The following HTR1F variants were observed in gnomAD, a reference collection of about 807,000 sequenced individuals.
The protein encoded by HTR1F is 5-hydroxytryptamine (serotonin) receptor 1F, G protein-coupled.
Under a neutral mutation model 24.0 loss-of-function variants are expected in HTR1F, and 17 were observed. That is an observed-to-expected ratio of 0.71 (90% CI 0.48 to 1.06). The LOEUF (loss-of-function observed/expected upper bound fraction) is 1.06. Among genes scored for constraint, HTR1F ranks in the 50% least tolerant of loss-of-function variants. The probability of loss-of-function intolerance (pLI) is 0.00; values close to 1 mark genes in which losing one functional copy is unlikely to be tolerated. For missense variants in HTR1F, 391 were observed against 427.8 expected (o/e 0.91, Z 0.76); for synonymous variants, 186 against 156.8 (o/e 1.19, Z -1.39).
intron 2 of HTR1F, among the ~76,000 whole-genome samples, chr3:87,891,550 C>T (rs1187934978): frequency 6.6e-6 from 1 of 152,104 alleles, no homozygotes; most frequent in Non-Finnish European, 1.5e-5. Context: ...CCTGCAAAAC[C>T]CTTACATTGC....
chr3:87,899,661 G>A (rs529709858), intron 2 of HTR1F, among the ~76,000 whole-genome samples: 3 of 152,102 alleles, frequency 2.0e-5, no homozygotes, highest in African/African-American at 4.8e-5. Flanking sequence ...TGAGGAGTTC[G>A]AGACCAGACT....
chr3:87,961,277 T>C (rs1045445006), intron 2 of HTR1F, among the ~76,000 whole-genome samples: 2 of 152,028 alleles, frequency 1.3e-5, no homozygotes, highest in African/African-American at 4.8e-5. Flanking sequence ...TGATGACTAG[T>C]CAAAAGCAAG....
rs867819518 is a variant in HTR1F, at chr3:87,910,535, A to C, written c.-42-80173A>C. Among the ~76,000 whole-genome samples, 120 of 152,164 alleles carry C rather than the reference A, an allele frequency of 7.9e-4. 1 individual carries two copies. The highest frequency in any genetic ancestry group is 2.8e-3 in the African/African-American group (117 of 41,542). ...CACAATAATACTGGGAGAATTCAAC[A>C]CTCCACTGACAGTATTAGACAGATC... On this transcript the variant is annotated intron_variant, in intron 2 of 2. Transcript: ENST00000319595.
At chr3:87,875,977 A>G (rs573571828) in intron 2 of HTR1F, among the ~76,000 whole-genome samples, 1 of 152,254 alleles carries the variant, frequency 6.6e-6, no homozygotes, top group Non-Finnish European at 1.5e-5. Context: ...CCTAAGTAAT[A>G]CAAATAACCA....
At position 87,979,950 on chromosome 3, in the gene HTR1F, C is replaced by T. The variant is rs572377107; in HGVS notation, c.-42-10758C>T. 9.8e-5 allele frequency among the ~76,000 whole-genome samples: 15 copies of T among 152,334 alleles called. No homozygotes were observed. The East Asian group carries it at 2.5e-3, about 25-fold the overall frequency. On this transcript the variant is annotated intron_variant, in intron 2 of 2. Coordinates refer to ENST00000319595, the MANE Select transcript of HTR1F (RefSeq NM_001322209.2). Reference sequence around the variant, plus strand: ...CCTGGAAGCATGAAGATGCCAGGAACTGCAGAGCCCCGAAGAGAGTGCCTC... The same window carrying T: ...CCTGGAAGCATGAAGATGCCAGGAATTGCAGAGCCCCGAAGAGAGTGCCTC...
intron 2 of HTR1F, among the ~76,000 whole-genome samples, chr3:87,874,130 C>A (rs1293349366): frequency 2.0e-5 from 3 of 151,592 alleles, no homozygotes; most frequent in African/African-American, 7.3e-5. Flanking sequence ...CTAGCCAGAG[C>A]AATTAGGCAA....
intron 2 of HTR1F, among the ~76,000 whole-genome samples, chr3:87,914,290 A>G (rs1703843619): frequency 4.6e-5 from 7 of 152,140 alleles, no homozygotes; most frequent in Admixed American, 4.6e-4. Context: ...GGCCACAGGG[A>G]GAAGGAAATC....
chr3:87,949,831 A>T (rs1704794003), intron 2 of HTR1F, among the ~76,000 whole-genome samples: 1 of 152,168 alleles, frequency 6.6e-6, no homozygotes, highest in Admixed American at 6.5e-5. Context: ...GTGTCACCTC[A>T]CCGTTCCCAG....
At chr3:87,974,934 C>T (rs1705362565) in intron 2 of HTR1F, among the ~76,000 whole-genome samples, 1 of 152,130 alleles carries the variant, frequency 6.6e-6, no homozygotes, top group South Asian at 2.1e-4. Flanking sequence ...GATGACAGTT[C>T]AGATTTGTTC....
At chr3:87,852,042 AATAAGGATT>A (rs1051949518) in intron 2 of HTR1F, among the ~76,000 whole-genome samples, 1 of 151,146 alleles carries the variant, frequency 6.6e-6, no homozygotes, top group Admixed American at 6.6e-5. Context: ...CCCCACTAGC[AATAAGGATT>A]ATTGCCAGTC....
At chr3:87,918,572 C>T (rs1361073224) in intron 2 of HTR1F, among the ~76,000 whole-genome samples, 1 of 151,976 alleles carries the variant, frequency 6.6e-6, no homozygotes, top group Non-Finnish European at 1.5e-5. Context: ...CTCTTCTATA[C>T]ACCAAGACTG....
At chr3:87,933,210 A>G (rs1704326235) in intron 2 of HTR1F, among the ~76,000 whole-genome samples, 1 of 152,124 alleles carries the variant, frequency 6.6e-6, no homozygotes, top group Non-Finnish European at 1.5e-5. Flanking sequence ...ATCTCAAAAT[A>G]ATAAGAGCTA....
At chr3:87,885,532 C>A (rs1705917141) in intron 2 of HTR1F, among the ~76,000 whole-genome samples, 1 of 151,926 alleles carries the variant, frequency 6.6e-6, no homozygotes, top group Non-Finnish European at 1.5e-5. Context: ...AAAAACCCTT[C>A]AAAAAATCAG....
At chr3:87,902,982 C>G (rs1261677078) in intron 2 of HTR1F, among the ~76,000 whole-genome samples, 1 of 151,314 alleles carries the variant, frequency 6.6e-6, no homozygotes, top group Non-Finnish European at 1.5e-5. Context: ...ATATCTACAA[C>G]TATCTGATCT....
intron 2 of HTR1F, among the ~76,000 whole-genome samples, chr3:87,879,116 A>C (rs1705731630): frequency 6.6e-6 from 1 of 152,188 alleles, no homozygotes; most frequent in Non-Finnish European, 1.5e-5. Context: ...TGAAGATTTC[A>C]ACTAAGTAAT....
chr3:87,937,556 A>T (rs142686970), intron 2 of HTR1F, among the ~76,000 whole-genome samples: 1 of 152,308 alleles, frequency 6.6e-6, no homozygotes, highest in East Asian at 1.9e-4. Flanking sequence ...AAACCAGCAC[A>T]AGACAAAGAT....
At chr3:87,949,715 C>G (rs1387832195) in intron 2 of HTR1F, among the ~76,000 whole-genome samples, 1 of 152,162 alleles carries the variant, frequency 6.6e-6, no homozygotes, top group Non-Finnish European at 1.5e-5. Flanking sequence ...TGTAACCACT[C>G]TAATTACCAT....
intron 2 of HTR1F, among the ~76,000 whole-genome samples, chr3:87,904,756 TACC>T (rs1703621512): frequency 6.6e-6 from 1 of 152,150 alleles, no homozygotes; most frequent in Non-Finnish European, 1.5e-5. Context: ...ATACACATTA[TACC>T]ACATTATTCC....
At chr3:87,924,939 TTA>T (rs1704089340) in intron 2 of HTR1F, among the ~76,000 whole-genome samples, 3 of 152,172 alleles carry the variant, frequency 2.0e-5, no homozygotes, top group African/African-American at 7.2e-5. Context: ...TTTTCAGCTA[TTA>T]TGTTATTAAA....
Sources: gnomAD v4.1 joint callset for allele counts (sites outside exome capture counted in the v4.1 genomes callset) on GRCh38, gnomAD v4.1.1 for gene constraint, MANE v1.5 for transcripts, NCBI Gene and HGNC (gene_info 2026-07-23, HGNC 2026-07-21) for gene names.